Variants in ERC2 observed in about 807,000 individuals in gnomAD.
ERC2 encodes ERC protein 2.
ERC2 carries 42 observed loss-of-function variants against 114.8 expected under a neutral mutation model. The ratio of observed to expected loss-of-function variants is 0.37; its 90% CI spans 0.29 to 0.47. The LOEUF (loss-of-function observed/expected upper bound fraction) is 0.47, where lower values mean the gene tolerates loss of function less well. Among genes scored for constraint, ERC2 ranks in the 20% least tolerant of loss-of-function variants. ERC2 has a pLI of 0.99. For synonymous variants in ERC2, 454 were observed against 425.5 expected (o/e 1.07, Z -0.82); for missense variants, 939 against 1,150.7 (o/e 0.82, Z 2.66).
At chr3:55,886,198 T>C (rs2149315167) in intron 14 of ERC2, among the ~76,000 whole-genome samples, 1 of 152,334 alleles carries the variant, frequency 6.6e-6, no homozygotes, top group African/African-American at 2.4e-5. Flanking sequence ...ATATTGCTAA[T>C]GCACTAATAC....
chr3:56,410,140 T>C (rs2060885966), intron 2 of ERC2, among the ~76,000 whole-genome samples: 1 of 152,194 alleles, frequency 6.6e-6, no homozygotes, highest in Non-Finnish European at 1.5e-5. Context: ...GTGCCAGTAA[T>C]TAAAAAGCGA....
intron 7 of ERC2, among the ~76,000 whole-genome samples, chr3:56,032,655 C>T (rs139687428): frequency 3.0e-4 from 46 of 151,872 alleles, no homozygotes; most frequent in African/African-American, 1.1e-3. Context: ...TGATTCATCA[C>T]ATAAAAAGGA....
chr3:55,952,503 G>T (rs746531321), intron 12 of ERC2, among the ~76,000 whole-genome samples: 1 of 151,954 alleles, frequency 6.6e-6, no homozygotes. Flanking sequence ...ATTGAATGAG[G>T]ACACAGTATT....
At chr3:55,677,615 G>C (rs566298160) in intron 17 of ERC2, among the ~76,000 whole-genome samples, 3 of 152,264 alleles carry the variant, frequency 2.0e-5, no homozygotes, top group African/African-American at 7.2e-5. Context: ...AGAAAATGGA[G>C]GGGAGAGACG....
chr3:55,883,780 C>T (rs561720755), intron 14 of ERC2, among the ~76,000 whole-genome samples: 3 of 151,760 alleles, frequency 2.0e-5, no homozygotes, highest in African/African-American at 4.8e-5. Context: ...CCCAGCAGCT[C>T]GGGAGGTGGA....
chr3:55,538,646 T>C (rs2054163457), intron 17 of ERC2, among the ~76,000 whole-genome samples: 1 of 152,236 alleles, frequency 6.6e-6, no homozygotes, highest in African/African-American at 2.4e-5. Context: ...AACAAAACCC[T>C]GTTTTTCTTT....
At chr3:56,239,323 C>T (rs1350306835) in intron 3 of ERC2, among the ~76,000 whole-genome samples, 1 of 151,560 alleles carries the variant, frequency 6.6e-6, no homozygotes, top group Non-Finnish European at 1.5e-5. Context: ...TTGCGACCAG[C>T]GTGGGCAACA....
At chr3:55,566,903 G>A (rs977851504) in intron 17 of ERC2, among the ~76,000 whole-genome samples, 1 of 152,096 alleles carries the variant, frequency 6.6e-6, no homozygotes, top group African/African-American at 2.4e-5. Flanking sequence ...GTTTCACCAT[G>A]CTGGCCAGGC....
intron 14 of ERC2, among the ~76,000 whole-genome samples, chr3:55,746,729 G>A (rs1348274454): frequency 1.3e-5 from 2 of 152,222 alleles, no homozygotes; most frequent in African/African-American, 2.4e-5. Context: ...AGGTTTCTGC[G>A]AGGGGCAGGA....
intron 15 of ERC2, among the ~76,000 whole-genome samples, chr3:55,718,188 G>A (rs1242854678): frequency 1.3e-5 from 2 of 152,118 alleles, no homozygotes; most frequent in African/African-American, 4.8e-5. Flanking sequence ...ATAAAAGCCT[G>A]CAAAACAGAT....
At chr3:56,217,403 GAAT>G (rs1013753962) in intron 3 of ERC2, among the ~76,000 whole-genome samples, 9 of 152,172 alleles carry the variant, frequency 5.9e-5, no homozygotes, top group Non-Finnish European at 1.0e-4. Flanking sequence ...GCTCCAAAGA[GAAT>G]AATACCTAGG....
At chr3:56,124,218 A>T (rs2079749753) in intron 6 of ERC2, among the ~76,000 whole-genome samples, 1 of 152,216 alleles carries the variant, frequency 6.6e-6, no homozygotes, top group South Asian at 2.1e-4. Flanking sequence ...GCCATTAGTG[A>T]CTTCATTCTA....
At position 55,627,883 on chromosome 3, in the gene ERC2, CTTTTTTTTTTT is replaced by C. The variant is rs10714648; in HGVS notation, c.*39+55900_*39+55910del. Among the ~76,000 whole-genome samples, 7 of 82,572 alleles carry C rather than the reference CTTTTTTTTTTT, an allele frequency of 8.5e-5. 1 individual carries two copies. The East Asian group carries it at 2.2e-3, about 26-fold the overall frequency. 54.2% of individuals were successfully genotyped at this position (82,572 alleles called of 152,430 possible). On this transcript the variant is annotated intron_variant, in intron 17 of 17. Coordinates refer to ENST00000288221, the MANE Select transcript of ERC2 (RefSeq NM_015576.3). The stretch of plus-strand genomic sequence containing the variant: ...AAATCATCTGGACTGGGACTTGGTG[CTTTTTTTTTTT>C]TTTTTTTTTTTGAAGAAAGGGGGCG...
At chr3:56,451,206 G>T (rs909596754) in intron 1 of ERC2, among the ~76,000 whole-genome samples, 2 of 152,186 alleles carry the variant, frequency 1.3e-5, no homozygotes, top group African/African-American at 4.8e-5. Context: ...AAATGATAGA[G>T]AGATAGAATA....
intron 16 of ERC2, among the ~76,000 whole-genome samples, chr3:55,692,787 G>T (rs181743971): frequency 5.9e-5 from 9 of 152,312 alleles, no homozygotes; most frequent in Middle Eastern, 3.4e-3. Context: ...TCCAAACACA[G>T]AAAGGAAAAG....
At chr3:56,189,201 A>G (rs1237937484) in intron 3 of ERC2, among the ~76,000 whole-genome samples, 5 of 152,204 alleles carry the variant, frequency 3.3e-5, no homozygotes, top group Non-Finnish European at 5.9e-5. Flanking sequence ...CCTCCACAGA[A>G]TGAATCTGTT....
chr3:56,175,312 C>G (rs778769700), intron 3 of ERC2, among the ~76,000 whole-genome samples: 1 of 152,226 alleles, frequency 6.6e-6, no homozygotes, highest in African/African-American at 2.4e-5. Context: ...TACTTCCTAA[C>G]TATTCAAAAT....
intron 2 of ERC2, among the ~76,000 whole-genome samples, chr3:56,317,639 A>G (rs913996978): frequency 6.6e-6 from 1 of 152,216 alleles, no homozygotes; most frequent in African/African-American, 2.4e-5. Context: ...TCGTCCACTC[A>G]AAAAATATTT....
intron 3 of ERC2, among the ~76,000 whole-genome samples, chr3:56,242,665 A>C (rs1371372826): frequency 1.3e-5 from 2 of 152,098 alleles, no homozygotes; most frequent in Non-Finnish European, 2.9e-5. Flanking sequence ...ACTTCTTCTT[A>C]TGTAAGAGAA....
Sources: allele counts gnomAD v4.1 joint callset (sites outside exome capture counted in the v4.1 genomes callset), GRCh38; gene constraint gnomAD v4.1.1; transcripts MANE v1.5; gene names NCBI Gene and HGNC (gene_info 2026-07-23, HGNC 2026-07-21).